The following LRMDA variants were observed in gnomAD, a reference collection of about 807,000 sequenced individuals.
LRMDA encodes leucine rich melanocyte differentiation associated.
A neutral mutation model predicts 29.8 loss-of-function variants in LRMDA; 18 were observed. The observed-to-expected ratio is 0.60, with a 90% CI of 0.42 to 0.90. The LOEUF (loss-of-function observed/expected upper bound fraction) is 0.90. Ranked by LOEUF, LRMDA falls within the 40% of genes least tolerant of loss-of-function variation. The probability of loss-of-function intolerance (pLI) is 0.00; values close to 1 mark genes in which losing one functional copy is unlikely to be tolerated. For missense variants in LRMDA, 273 were observed against 273.9 expected, an observed-to-expected ratio of 1.00 and a Z score of 0.02; for synonymous variants, 125 against 109.4, an observed-to-expected ratio of 1.14 and a Z score of -0.89.
chr10:76,315,854 C>T (rs1393333578), intron 5 of LRMDA, among the ~76,000 whole-genome samples: 1 of 152,084 alleles, frequency 6.6e-6, no homozygotes, highest in Admixed American at 6.5e-5. Flanking sequence ...CATGGCAGCC[C>T]ATGGACCAAT....
chr10:75,965,019 G>A (rs991650038), intron 2 of LRMDA, among the ~76,000 whole-genome samples: 2 of 152,172 alleles, frequency 1.3e-5, no homozygotes, highest in Admixed American at 6.5e-5. Context: ...ACTCAACTCG[G>A]CCTCCCAAAG....
rs1458630390 is a variant in LRMDA, at chr10:76,183,130, A to T, written c.516+124347A>T. ...TGTCCATGGAAGTAGACAGCCCTCA[A>T]CTTTCTTCACAGAGCAAACTTACCT... On this transcript the variant is annotated intron_variant, in intron 5 of 6. Coordinates refer to ENST00000611255, the MANE Select transcript of LRMDA (RefSeq NM_001305581.2). Among the ~76,000 whole-genome samples, 4 of 152,162 alleles carry T rather than the reference A, an allele frequency of 2.6e-5. No individual in the cohort carries two copies. In the East Asian group the frequency reaches 7.7e-4, roughly 29 times the overall value.
chr10:76,205,749 G>A (rs116725632), intron 5 of LRMDA, among the ~76,000 whole-genome samples: 5,393 of 152,184 alleles, frequency 0.035, 329 homozygotes, highest in African/African-American at 0.12. Context: ...GTTTCATTTA[G>A]CTATTCCAGT....
intron 2 of LRMDA, among the ~76,000 whole-genome samples, chr10:75,456,762 G>A (rs1056435246): frequency 6.6e-6 from 1 of 152,150 alleles, no homozygotes; most frequent in Non-Finnish European, 1.5e-5. Flanking sequence ...TGCAACCTCC[G>A]CCTCCCAGGT....
At chr10:75,657,986 G>C (rs1841699871) in intron 2 of LRMDA, among the ~76,000 whole-genome samples, 1 of 152,086 alleles carries the variant, frequency 6.6e-6, no homozygotes, top group Admixed American at 6.6e-5. Flanking sequence ...CTGGGAATGT[G>C]GACCCTGCTG....
intron 5 of LRMDA, among the ~76,000 whole-genome samples, chr10:76,184,929 G>A (rs769472652): frequency 6.6e-6 from 1 of 152,096 alleles, no homozygotes; most frequent in African/African-American, 2.4e-5. Context: ...GGTAGCAAAC[G>A]CTGAATCAAA....
chr10:76,557,676 G>T lies in LRMDA; in HGVS notation c.*388G>T. On this transcript the variant is annotated 3_prime_UTR_variant, in exon 7 of 7. Transcript: ENST00000611255. ...TCAGTGGCTGCAGTCAAGTGAGAAA[G>T]ACTGTCCTCAGCTCGCCTATTGAAT... 4.6e-6 allele frequency: 1 copy of T among 217,524 alleles called. No individual in the cohort carries two copies. Among genetic ancestry groups the T allele is most frequent in the Non-Finnish European group, 9.2e-6 (1 of 108,780 alleles). 13.5% of individuals were successfully genotyped at this position (217,524 alleles called of 1,614,324 possible).
At chr10:75,979,380 A>C (rs1564621814) in intron 2 of LRMDA, among the ~76,000 whole-genome samples, 1 of 152,222 alleles carries the variant, frequency 6.6e-6, no homozygotes, top group Non-Finnish European at 1.5e-5. Context: ...TTAACAATTA[A>C]AACTAGTGCT....
chr10:76,399,522 G>C (rs1465160444), intron 6 of LRMDA, among the ~76,000 whole-genome samples: 2 of 152,186 alleles, frequency 1.3e-5, no homozygotes, highest in African/African-American at 4.8e-5. Context: ...GCTGTCATTT[G>C]TGTACAGATG....
At chr10:75,621,826 A>G (rs555270526) in intron 2 of LRMDA, among the ~76,000 whole-genome samples, 1 of 152,338 alleles carries the variant, frequency 6.6e-6, no homozygotes, top group South Asian at 2.1e-4. Flanking sequence ...GGTCTCTCCC[A>G]GGTTCCATAG....
chr10:75,984,882 C>T (rs1399298259), intron 2 of LRMDA, among the ~76,000 whole-genome samples: 1 of 152,188 alleles, frequency 6.6e-6, no homozygotes, highest in Non-Finnish European at 1.5e-5. Flanking sequence ...TCTTAATGAG[C>T]CTCAATTCAG....
intron 2 of LRMDA, among the ~76,000 whole-genome samples, chr10:75,966,687 T>C (rs925980132): frequency 5.3e-5 from 8 of 152,216 alleles, no homozygotes; most frequent in African/African-American, 1.4e-4. Context: ...GGACAAATAC[T>C]TGTGGGGCTG....
intron 2 of LRMDA, among the ~76,000 whole-genome samples, chr10:76,019,803 C>T (rs1847939631): frequency 6.6e-6 from 1 of 152,048 alleles, no homozygotes; most frequent in Admixed American, 6.6e-5. Context: ...GTTGAGGGCC[C>T]CAGTGGTTCT....
At chr10:76,537,204 T>A (rs1334305373) in intron 6 of LRMDA, among the ~76,000 whole-genome samples, 3 of 152,208 alleles carry the variant, frequency 2.0e-5, no homozygotes, top group African/African-American at 7.2e-5. Context: ...CTGTGTACAT[T>A]CCCTGCCCCA....
chr10:76,277,058 G>A (rs1340526932), intron 5 of LRMDA, among the ~76,000 whole-genome samples: 2 of 152,148 alleles, frequency 1.3e-5, no homozygotes, highest in Non-Finnish European at 2.9e-5. Context: ...TTCATATACA[G>A]AATTAGAGTA....
chr10:75,813,354 A>G (rs1283074888), intron 2 of LRMDA, among the ~76,000 whole-genome samples: 1 of 152,206 alleles, frequency 6.6e-6, no homozygotes, highest in Non-Finnish European at 1.5e-5. Context: ...TTCTTGAAGT[A>G]TCTTCCCTGG....
chr10:76,431,068 C>G (rs1842185493), intron 6 of LRMDA, among the ~76,000 whole-genome samples: 1 of 152,126 alleles, frequency 6.6e-6, no homozygotes, highest in African/African-American at 2.4e-5. Flanking sequence ...AGCTTTATCT[C>G]TACAGTTCAA....
chr10:76,166,825 G>C (rs1850749223), intron 5 of LRMDA, among the ~76,000 whole-genome samples: 1 of 152,080 alleles, frequency 6.6e-6, no homozygotes, highest in Non-Finnish European at 1.5e-5. Context: ...ATTCCTCCTA[G>C]GTCGAATGGT....
intron 5 of LRMDA, among the ~76,000 whole-genome samples, chr10:76,183,899 T>C (rs1039765446): frequency 6.6e-6 from 1 of 152,150 alleles, no homozygotes; most frequent in Non-Finnish European, 1.5e-5. Context: ...AAAGAAAAAT[T>C]TGTAGAGACC....
Sources: allele counts gnomAD v4.1 joint callset (sites outside exome capture counted in the v4.1 genomes callset), GRCh38; gene constraint gnomAD v4.1.1; transcripts MANE v1.5; gene names NCBI Gene and HGNC (gene_info 2026-07-23, HGNC 2026-07-21).